Variants in IL7 observed in about 807,000 individuals in gnomAD.
IL7 encodes the protein interleukin-7.
In IL7, 3 loss-of-function variants were observed where a neutral mutation model predicts 21.6. The observed-to-expected ratio is 0.14, with a 90% CI of 0.06 to 0.36. IL7 has a LOEUF of 0.36. IL7 is among the 10% of genes least tolerant of loss of function. The probability of loss-of-function intolerance (pLI) is 1.00; values close to 1 mark genes in which losing one functional copy is unlikely to be tolerated. For synonymous variants in IL7, 62 were observed against 68.1 expected (o/e 0.91, Z 0.44); for missense variants, 175 against 200.2 (o/e 0.87, Z 0.76).
intron 3 of IL7, chr8:78,711,896 T>C: frequency 4.5e-6 from 3 of 665,102 alleles, no homozygotes; most frequent in Non-Finnish European, 6.9e-6. Context: ...GGGGAGTAGA[T>C]ATCTGATGAA....
At chr8:78,783,679 A>G (rs1162332739) in intron 2 of IL7, among the ~76,000 whole-genome samples, 1 of 152,208 alleles carries the variant, frequency 6.6e-6, no homozygotes, top group Admixed American at 6.5e-5. Context: ...GCTGTACTTT[A>G]TAACTATTTA....
At chr8:78,718,903 A>G (rs1811184386) in intron 6 of IL7, 1 of 151,662 alleles carries the variant, frequency 6.6e-6, no homozygotes, top group African/African-American at 2.4e-5. Context: ...GATCAACTAT[A>G]AGACACAATG....
chr8:78,751,743 A>G (rs1812181639), intron 2 of IL7, among the ~76,000 whole-genome samples: 1 of 152,184 alleles, frequency 6.6e-6, no homozygotes, highest in South Asian at 2.1e-4. Context: ...CATCCCCTCT[A>G]ACATTCATCA....
intron 4 of IL7, among the ~76,000 whole-genome samples, chr8:78,680,356 C>T (rs1206046953): frequency 6.7e-6 from 1 of 149,456 alleles, no homozygotes; most frequent in African/African-American, 2.5e-5. Flanking sequence ...TGGTTTATTG[C>T]CTTGTTACCT....
intron 2 of IL7, among the ~76,000 whole-genome samples, chr8:78,793,726 A>G (rs141744981): frequency 1.3e-5 from 2 of 152,260 alleles, no homozygotes; most frequent in South Asian, 2.1e-4. Flanking sequence ...TTTCTTTCAT[A>G]AAAGATTCCT....
intron 3 of IL7, among the ~76,000 whole-genome samples, chr8:78,697,902 T>C (rs937692861): frequency 6.6e-6 from 1 of 152,080 alleles, no homozygotes; most frequent in African/African-American, 2.4e-5. Context: ...ATAATCTCTA[T>C]CTCCTGAACT....
intron 4 of IL7, among the ~76,000 whole-genome samples, chr8:78,683,012 C>A (rs1421176581): frequency 6.6e-6 from 1 of 152,242 alleles, no homozygotes; most frequent in African/African-American, 2.4e-5. Flanking sequence ...ACATCCAGGT[C>A]ATGCTGGTTC....
intron 1 of IL7, among the ~76,000 whole-genome samples, chr8:78,801,837 C>A (rs984821433): frequency 1.3e-5 from 2 of 152,178 alleles, no homozygotes; most frequent in African/African-American, 4.8e-5. Flanking sequence ...AGGTTCCCAG[C>A]TCTCCCATTA....
At chr8:78,762,350 C>T in intron 2 of IL7, 5 of 1,612,626 alleles carry the variant, frequency 3.1e-6, no homozygotes, top group South Asian at 2.2e-5. Flanking sequence ...GGCAGGGTCC[C>T]GCGGGAAGCT....
chr8:78,708,507 G>A (rs1391396155), intron 3 of IL7, among the ~76,000 whole-genome samples: 2 of 151,398 alleles, frequency 1.3e-5, no homozygotes, highest in East Asian at 3.9e-4. Context: ...GTAAGAACTC[G>A]TCTCCATTAA....
At position 78,762,375 on chromosome 8, in the gene IL7, C is replaced by G. The variant is rs1397821357; in HGVS notation, c.148-22293G>C. On this transcript the variant is annotated intron_variant, in intron 2 of 5. Transcript: ENST00000263851. ...CGCGGGAAGCTGAAGAAGGCCAAGTCAAGTCGGACTGCGTGCTCTTCCGCG... is the reference window on the plus strand; with the variant it reads ...CGCGGGAAGCTGAAGAAGGCCAAGTGAAGTCGGACTGCGTGCTCTTCCGCG... 21 of 1,612,474 alleles carry G rather than the reference C, an allele frequency of 1.3e-5. No homozygotes were observed. The East Asian group carries it at 4.5e-4, about 34-fold the overall frequency.
At chr8:78,793,461 C>T (rs1563438422) in intron 2 of IL7, among the ~76,000 whole-genome samples, 1 of 152,208 alleles carries the variant, frequency 6.6e-6, no homozygotes, top group East Asian at 1.9e-4. Context: ...TTACACTATA[C>T]TGTAGTCTAT....
At chr8:78,763,390 A>G (rs1174078225) in intron 2 of IL7, among the ~76,000 whole-genome samples, 3 of 152,236 alleles carry the variant, frequency 2.0e-5, no homozygotes, top group African/African-American at 7.2e-5. Context: ...ATATTTTATT[A>G]CCATAAATTA....
At chr8:78,697,786 C>T (rs1214303393) in intron 3 of IL7, among the ~76,000 whole-genome samples, 1 of 150,356 alleles carries the variant, frequency 6.7e-6, no homozygotes, top group Non-Finnish European at 1.5e-5. Flanking sequence ...TCAAATGATT[C>T]TCCTGCCTTA....
chr8:78,783,101 C>A (rs1813394155), intron 2 of IL7, among the ~76,000 whole-genome samples: 2 of 152,160 alleles, frequency 1.3e-5, no homozygotes, highest in Non-Finnish European at 1.5e-5. Flanking sequence ...GTTCAGTCAT[C>A]TTAGGCAGCA....
At chr8:78,677,907 T>C (rs1193344854) in intron 4 of IL7, among the ~76,000 whole-genome samples, 1 of 152,170 alleles carries the variant, frequency 6.6e-6, no homozygotes, top group East Asian at 1.9e-4. Context: ...ACTTTTATGG[T>C]TATTTCTTGA....
chr8:78,705,644 G>A (rs1442175772), intron 3 of IL7, among the ~76,000 whole-genome samples: 1 of 152,040 alleles, frequency 6.6e-6, no homozygotes, highest in African/African-American at 2.4e-5. Context: ...CCTCTGGGTC[G>A]GCATGGGCTC....
Position 78,711,937 on chromosome 8 carries a change from A to G in IL7, n.214+9411T>C, listed in dbSNP as rs894483504. ...ATAATGTCTTTTAAAAAAACTTTATATAAAGAAGCAGTAGCAATCTCCTTA... is the reference window on the plus strand; with the variant it reads ...ATAATGTCTTTTAAAAAAACTTTATGTAAAGAAGCAGTAGCAATCTCCTTA... On this transcript the variant is annotated intron_variant and non_coding_transcript_variant, in intron 3 of 4. Transcript: ENST00000523959. 7 of 1,137,274 alleles carry G rather than the reference A, an allele frequency of 6.2e-6. No individual in the cohort carries two copies. The African/African-American group carries it at 6.4e-5, about 10-fold the overall frequency. The allele number at this position is 1,137,274 out of a possible 1,614,324, so 70.4% of individuals were successfully genotyped here. A position where few individuals can be genotyped will look rare whatever the true frequency, so the allele number is the denominator to read the frequency against.
At chr8:78,769,193 G>T (rs1812866917) in intron 2 of IL7, among the ~76,000 whole-genome samples, 1 of 151,470 alleles carries the variant, frequency 6.6e-6, no homozygotes, top group Admixed American at 6.6e-5. Flanking sequence ...GGGCAATTAG[G>T]CAGGAGAAGG....
Sources: gnomAD v4.1 joint callset for allele counts (sites outside exome capture counted in the v4.1 genomes callset) on GRCh38, gnomAD v4.1.1 for gene constraint, MANE v1.5 for transcripts, NCBI Gene and HGNC (gene_info 2026-07-23, HGNC 2026-07-21) for gene names.